Variants in BMPR2 observed in about 807,000 individuals in gnomAD.
BMPR2 encodes bone morphogenetic protein receptor type 2.
BMPR2 carries 29 observed loss-of-function variants against 100.8 expected under a neutral mutation model. The ratio of observed to expected loss-of-function variants is 0.29; its 90% CI spans 0.21 to 0.39. The LOEUF is 0.39. Ranked by LOEUF, BMPR2 falls within the 10% of genes least tolerant of loss-of-function variation. The pLI is 1.00. For missense variants in BMPR2, 1,011 were observed against 1,274.5 expected (o/e 0.79, Z 3.15); for synonymous variants, 382 against 442.3 (o/e 0.86, Z 1.71).
At chr2:202,537,708 A>T (rs1240228117) in intron 9 of BMPR2, among the ~76,000 whole-genome samples, 1 of 152,192 alleles carries the variant, frequency 6.6e-6, no homozygotes, top group Non-Finnish European at 1.5e-5. Flanking sequence ...AAAAAAAAAT[A>T]AAGGAATAAG....
At chr2:202,556,754 C>G (rs968244717) in intron 12 of BMPR2, among the ~76,000 whole-genome samples, 1 of 152,014 alleles carries the variant, frequency 6.6e-6, no homozygotes, top group Non-Finnish European at 1.5e-5. Flanking sequence ...CAAGACCAAC[C>G]TGGCCAACAT....
At chr2:202,384,398 C>G (rs1006938529) in intron 1 of BMPR2, among the ~76,000 whole-genome samples, 2 of 152,088 alleles carry the variant, frequency 1.3e-5, no homozygotes, top group Non-Finnish European at 2.9e-5. Flanking sequence ...AGTATTGTGC[C>G]AGAGGCATTG....
intron 3 of BMPR2, among the ~76,000 whole-genome samples, chr2:202,474,107 C>CAAAAAAAAAAAAA (rs1344273073): frequency 6.7e-6 from 1 of 148,660 alleles, no homozygotes; most frequent in African/African-American, 2.5e-5. Flanking sequence ...TCTGTCTCAC[C>CAAAAAAAAAAAAA]AAAAATAATA....
intron 1 of BMPR2, among the ~76,000 whole-genome samples, chr2:202,444,860 C>T (rs1044665479): frequency 6.6e-6 from 1 of 150,830 alleles, no homozygotes; most frequent in Admixed American, 6.6e-5. Context: ...ACGATCTGAG[C>T]TCACTGCATC....
chr2:202,431,515 A>G (rs1377741925), intron 1 of BMPR2, among the ~76,000 whole-genome samples: 1 of 150,770 alleles, frequency 6.6e-6, no homozygotes, highest in Non-Finnish European at 1.5e-5. Context: ...ATTTATAGTC[A>G]TGCACCACTT....
rs1173799883 is a variant in BMPR2, at chr2:202,552,595, G to C, written c.1414-121G>C. 4 of 979,230 alleles carry C rather than the reference G, an allele frequency of 4.1e-6. No homozygotes were observed. In the African/African-American group the frequency reaches 4.9e-5, roughly 12 times the overall value. 60.7% of individuals were successfully genotyped at this position (979,230 alleles called of 1,614,324 possible). On this transcript the variant is annotated intron_variant, in intron 10 of 12. Coordinates refer to ENST00000374580, the MANE Select transcript of BMPR2 (RefSeq NM_001204.7). ...CCTTGAAGCCTAAAATATGTTATTA[G>C]AGCTATGTAAAATACTGGTTAAGGT...
rs372265150 is a variant in BMPR2 at position 202,481,506 on chromosome 2, C to G, written c.418+13817C>G. ...TTTTTCTTTTTCAAGATTATTATGG[C>G]TGTTTTGGGTTCCTTGCATTTCCAT... On this transcript the variant is annotated intron_variant, in intron 3 of 12. Transcript: ENST00000374580. Among the ~76,000 whole-genome samples, 11 of 152,124 alleles carry G rather than the reference C, an allele frequency of 7.2e-5. No individual in the cohort carries two copies. In the South Asian group the frequency reaches 1.9e-3, roughly 26 times the overall value.
chr2:202,415,386 G>T (rs1039882518), intron 1 of BMPR2, among the ~76,000 whole-genome samples: 19 of 152,198 alleles, frequency 1.2e-4, no homozygotes, highest in African/African-American at 4.3e-4. Flanking sequence ...CAGGAGAATT[G>T]CTTGAGCCTG....
chr2:202,380,298 C>T (rs1402066496), intron 1 of BMPR2, among the ~76,000 whole-genome samples: 1 of 151,996 alleles, frequency 6.6e-6, no homozygotes, highest in African/African-American at 2.4e-5. Flanking sequence ...AGGTCAACTT[C>T]TGTAATGCGT....
chr2:202,388,404 A>AG, intron 1 of BMPR2, among the ~76,000 whole-genome samples: 1 of 150,440 alleles, frequency 6.6e-6, no homozygotes, highest in Admixed American at 6.7e-5. Context: ...CTCAAAAAAA[A>AG]AAAAAAAAAA....
chr2:202,408,150 T>TA (rs1690942871), intron 1 of BMPR2, among the ~76,000 whole-genome samples: 1 of 152,166 alleles, frequency 6.6e-6, no homozygotes, highest in Non-Finnish European at 1.5e-5. Context: ...CAGGATTTCA[T>TA]AAAGAAAACA....
chr2:202,560,100 A>G lies in BMPR2; in HGVS notation c.*154A>G, dbSNP rs1335486709. 2.1e-6 allele frequency: 2 copies of G among 967,548 alleles called. No homozygotes were observed. The highest frequency in any genetic ancestry group is 3.0e-6 in the Non-Finnish European group (2 of 668,932). The allele number at this position is 967,548 out of a possible 1,614,324, so 59.9% of individuals were successfully genotyped here. ...TGCTTTAAATAGATTTCAGCTATGC[A>G]GAAAAATTTAGCTTATGCTTCCATA... On this transcript the variant is annotated 3_prime_UTR_variant, in exon 13 of 13. Coordinates refer to ENST00000374580, the MANE Select transcript of BMPR2 (RefSeq NM_001204.7).
chr2:202,388,026 C>T (rs1474204620), intron 1 of BMPR2, among the ~76,000 whole-genome samples: 1 of 152,054 alleles, frequency 6.6e-6, no homozygotes, highest in Non-Finnish European at 1.5e-5. Flanking sequence ...CTTGATGAAA[C>T]GTTATCAAGA....
At chr2:202,412,333 C>T (rs550650466) in intron 1 of BMPR2, among the ~76,000 whole-genome samples, 2 of 152,192 alleles carry the variant, frequency 1.3e-5, no homozygotes, top group African/African-American at 4.8e-5. Flanking sequence ...CAGATTCATT[C>T]TTTGAGATGG....
intron 2 of BMPR2, among the ~76,000 whole-genome samples, chr2:202,467,258 C>T (rs1039541021): frequency 5.9e-5 from 9 of 152,000 alleles, no homozygotes; most frequent in African/African-American, 9.7e-5. Context: ...AGTGAAACTC[C>T]GCCTCAATAA....
At chr2:202,382,914 G>A (rs1256113299) in intron 1 of BMPR2, among the ~76,000 whole-genome samples, 1 of 152,198 alleles carries the variant, frequency 6.6e-6, no homozygotes, top group Non-Finnish European at 1.5e-5. Context: ...ACGAGCCTGG[G>A]AATCTGCCTT....
chr2:202,377,682 C>T, intron 1 of BMPR2, 132 bp downstream of exon 1: 2 of 1,056,590 alleles, frequency 1.9e-6, no homozygotes, highest in Non-Finnish European at 2.8e-6. Context: ...GAGCTGCGAC[C>T]CGGTGCCTGC....
At position 202,472,761 on chromosome 2, in the gene BMPR2, T is replaced by G. The variant is rs550952685; in HGVS notation, c.418+5072T>G. Among the ~76,000 whole-genome samples the G allele has an allele frequency of 9.0e-4, 137 of 152,352 alleles. 1 individual carries two copies. Among genetic ancestry groups the G allele is most frequent in the African/African-American group, 3.1e-3 (129 of 41,586 alleles). ...TTACCTAGGTCTTAGTTTAGTTTAC[T>G]ATAACCTTTTGACCCAAAAGTAGGA... On this transcript the variant is annotated intron_variant, in intron 3 of 12. Transcript: ENST00000374580.
intron 3 of BMPR2, among the ~76,000 whole-genome samples, chr2:202,479,318 A>G (rs1382841816): frequency 3.3e-5 from 5 of 152,230 alleles, no homozygotes; most frequent in Non-Finnish European, 5.9e-5. Context: ...GAGCTCAGCG[A>G]TAGATACTGT....
Sources: allele counts gnomAD v4.1 joint callset (sites outside exome capture counted in the v4.1 genomes callset), GRCh38; gene constraint gnomAD v4.1.1; transcripts MANE v1.5; gene names NCBI Gene and HGNC (gene_info 2026-07-23, HGNC 2026-07-21).